The following OR2T6 variants were observed in gnomAD, a reference collection of about 807,000 sequenced individuals.
OR2T6 encodes olfactory receptor family 2 subfamily T member 6, also known as olfactory receptor 2T6.
For synonymous variants in OR2T6, 174 were observed against 148.0 expected (o/e 1.18, Z -1.27); for missense variants, 424 against 391.6 (o/e 1.08, Z -0.70).
chr1:248,387,665 T>C lies in OR2T6; in HGVS notation c.57T>C (p.Thr19=). The C allele has an allele frequency of 6.2e-7, 1 of 1,612,794 alleles. No homozygotes were observed. Among genetic ancestry groups the C allele is most frequent in the Non-Finnish European group, 8.5e-7 (1 of 1,179,000 alleles). ...TRGFTLMGLF[T]HNKCSGFFFG... is the part of the protein sequence containing the mutation. ...GCTTTACCCTCATGGGGCTCTTCAC[T>C]CACAATAAATGCTCAGGATTCTTTT... The change falls in exon 3 of 3, where the codon ACT becomes ACC. Residue 19 remains threonine (T), a synonymous_variant. Coordinates refer to ENST00000641644, the MANE Select transcript of OR2T6 (RefSeq NM_001005471.2).
intron 1 of OR2T6, among the ~76,000 whole-genome samples, chr1:248,381,105 T>C (rs1255861917): frequency 1.3e-5 from 2 of 152,024 alleles, no homozygotes; most frequent in Non-Finnish European, 2.9e-5. Context: ...TAATTTCCTG[T>C]GCTGTTATGC....
At chr1:248,385,248 G>T (rs184642640) in intron 2 of OR2T6, among the ~76,000 whole-genome samples, 1 of 152,132 alleles carries the variant, frequency 6.6e-6, no homozygotes, top group African/African-American at 2.4e-5. Context: ...CTCTACTGAG[G>T]AGTCGCTAGG....
At position 248,389,107 on chromosome 1, in the gene OR2T6, T is replaced by G. The variant is rs756320386; in HGVS notation, c.*572T>G. ...CTCCTCCTTTATCTACATTTGGAGC[T>G]AAAAAAAAATGAATCATGTGTTTTG... On this transcript the variant is annotated 3_prime_UTR_variant, in exon 3 of 3. Coordinates refer to ENST00000641644, the MANE Select transcript of OR2T6 (RefSeq NM_001005471.2). 6.6e-6 allele frequency: 1 copy of G among 151,300 alleles called. No individual in the cohort carries two copies. The highest frequency in any genetic ancestry group is 1.5e-5 in the Non-Finnish European group (1 of 67,820). The allele number at this position is 151,300 out of a possible 1,614,324, so 9.4% of individuals were successfully genotyped here. A position where few individuals can be genotyped will look rare whatever the true frequency, so the allele number is the denominator to read the frequency against.
chr1:248,382,597 A>C (rs1661055035), intron 1 of OR2T6, among the ~76,000 whole-genome samples: 1 of 143,446 alleles, frequency 7.0e-6, no homozygotes, highest in Non-Finnish European at 1.5e-5. Context: ...CAATGGTGCA[A>C]TCTCAGCTCA....
At chr1:248,377,129 C>A (rs902715289) in intron 1 of OR2T6, among the ~76,000 whole-genome samples, 1 of 152,162 alleles carries the variant, frequency 6.6e-6, no homozygotes, top group Non-Finnish European at 1.5e-5. Context: ...GTTGAAAGCA[C>A]GGGCATAACA....
chr1:248,380,901 A>G (rs61483746), intron 1 of OR2T6, among the ~76,000 whole-genome samples: 13,565 of 151,812 alleles, frequency 0.089, 1,864 homozygotes, highest in African/African-American at 0.3. Context: ...TTATAATATC[A>G]CCTCATATTG....
intron 1 of OR2T6, among the ~76,000 whole-genome samples, chr1:248,382,531 TCTTTC>T (rs938579471): frequency 1.1e-5 from 1 of 89,136 alleles, no homozygotes; most frequent in Non-Finnish European, 1.9e-5. Flanking sequence ...TACCTTTCTT[TCTTTC>T]TTTTTTTTTT....
At chr1:248,379,102 A>G (rs1222649442) in intron 1 of OR2T6, among the ~76,000 whole-genome samples, 1 of 152,140 alleles carries the variant, frequency 6.6e-6, no homozygotes, top group Admixed American at 6.6e-5. Flanking sequence ...TTGAGCCCAA[A>G]AGGTTGAGGC....
At chr1:248,382,419 C>T (rs1401083763) in intron 1 of OR2T6, among the ~76,000 whole-genome samples, 1 of 151,966 alleles carries the variant, frequency 6.6e-6, no homozygotes, top group African/African-American at 2.4e-5. Context: ...CCCAAGTTTT[C>T]CTTTTCAATT....
rs918461470 is a variant in OR2T6 at position 248,390,929 on chromosome 1, G to T, written c.*2394G>T. ...TTTAAAATCAAGTAAAATGATGAAT[G>T]TAATAAAACCTTATAAATGCTAGTC... is the stretch of plus-strand genomic sequence containing the variant. On this transcript the variant is annotated 3_prime_UTR_variant, in exon 3 of 3. Coordinates refer to ENST00000641644, the MANE Select transcript of OR2T6 (RefSeq NM_001005471.2). 2.6e-5 allele frequency: 4 copies of T among 152,148 alleles called. No individual in the cohort carries two copies. The highest frequency in any genetic ancestry group is 5.9e-5 in the Non-Finnish European group (4 of 68,030). 9.4% of individuals were successfully genotyped at this position (152,148 alleles called of 1,614,324 possible).
chr1:248,382,349 AC>A (rs1661048692), intron 1 of OR2T6, among the ~76,000 whole-genome samples: 1 of 152,138 alleles, frequency 6.6e-6, no homozygotes, highest in Non-Finnish European at 1.5e-5. Flanking sequence ...TTTCCCAGAC[AC>A]ACACAGTGTA....
intron 1 of OR2T6, among the ~76,000 whole-genome samples, chr1:248,377,896 T>C (rs1436254000): frequency 2.0e-5 from 3 of 152,216 alleles, no homozygotes; most frequent in African/African-American, 7.2e-5. Context: ...TATGCACATA[T>C]ATGTTTGTAA....
chr1:248,383,972 A>C (rs367648503), intron 1 of OR2T6, among the ~76,000 whole-genome samples: 390 of 35,270 alleles, frequency 0.011, 17 homozygotes, highest in African/African-American at 0.093. Flanking sequence ...TGCTCATCCT[A>C]TCCTGAAGTG....
intron 2 of OR2T6, among the ~76,000 whole-genome samples, chr1:248,387,342 A>G (rs1055019581): frequency 2.6e-5 from 4 of 152,226 alleles, no homozygotes; most frequent in South Asian, 2.1e-4. Context: ...TTCAATCATA[A>G]TGAAACTCCC....
At chr1:248,380,208 C>T (rs1441536218) in intron 1 of OR2T6, among the ~76,000 whole-genome samples, 1 of 151,886 alleles carries the variant, frequency 6.6e-6, no homozygotes, top group Non-Finnish European at 1.5e-5. Flanking sequence ...TGCACTCATA[C>T]AAAACTATAC....
intron 1 of OR2T6, among the ~76,000 whole-genome samples, chr1:248,384,249 G>A (rs1661092338): frequency 1.1e-5 from 1 of 93,342 alleles, no homozygotes; most frequent in Non-Finnish European, 2.0e-5. Flanking sequence ...ATCCTCTCCT[G>A]AAGTGTTTCC....
At chr1:248,377,794 C>G (rs530927239) in intron 1 of OR2T6, among the ~76,000 whole-genome samples, 1 of 152,324 alleles carries the variant, frequency 6.6e-6, no homozygotes, top group African/African-American at 2.4e-5. Context: ...CCTGATTGCT[C>G]TACCTTGAGC....
chr1:248,382,725 T>C (rs1202069506), intron 1 of OR2T6, among the ~76,000 whole-genome samples: 3 of 152,090 alleles, frequency 2.0e-5, no homozygotes, highest in Non-Finnish European at 2.9e-5. Flanking sequence ...GGTTTCACCA[T>C]GTTGGCCAGG....
Position 248,388,490 on chromosome 1 carries a change from C to T in OR2T6, c.882C>T (p.Asn294=), listed in dbSNP as rs200752123. Residue 294 remains asparagine, a synonymous_variant, in exon 3 of 3, where the codon AAC becomes AAT. Coordinates refer to ENST00000641644, the MANE Select transcript of OR2T6 (RefSeq NM_001005471.2). Reference sequence around the variant, plus strand: ...ACCCTCTCATCTACAGTCTGAGGAACAGGGATGTGATGGGTGCCTTGAAGA... The same window carrying T: ...ACCCTCTCATCTACAGTCTGAGGAATAGGGATGTGATGGGTGCCTTGAAGA... ...LLNPLIYSLR[N]RDVMGALKRV... is the part of the protein sequence containing the mutation. 8.1e-6 allele frequency: 13 copies of T among 1,596,896 alleles called. No homozygotes were observed. Among genetic ancestry groups the T allele is most frequent in the African/African-American group, 1.3e-5 (1 of 74,650 alleles).
Sources: allele counts gnomAD v4.1 joint callset (sites outside exome capture counted in the v4.1 genomes callset), GRCh38; gene constraint gnomAD v4.1.1; transcripts MANE v1.5; gene names NCBI Gene and HGNC (gene_info 2026-07-23, HGNC 2026-07-21).